LMX1B: variants seen among roughly 807,000 people sequenced by gnomAD.
LMX1B encodes the protein LIM homeobox transcription factor 1-beta.
In LMX1B, 12 loss-of-function variants were observed where a neutral mutation model predicts 51.4. That is an observed-to-expected ratio of 0.23 (90% confidence interval 0.15 to 0.38). The LOEUF is 0.38. Ranked by LOEUF, LMX1B falls within the 10% of genes least tolerant of loss-of-function variation. LMX1B has a pLI of 1.00. For synonymous variants in LMX1B, 237 were observed against 235.4 expected (o/e 1.01, Z -0.06); for missense variants, 445 against 571.1 (o/e 0.78, Z 2.25).
At chr9:126,630,258 G>A (rs1835609263) in intron 2 of LMX1B, among the ~76,000 whole-genome samples, 1 of 151,448 alleles carries the variant, frequency 6.6e-6, no homozygotes, top group African/African-American at 2.4e-5. Flanking sequence ...GGGCCACACA[G>A]CCAGTGGGGG....
At chr9:126,675,876 C>T (rs1303035766) in intron 2 of LMX1B, among the ~76,000 whole-genome samples, 1 of 151,118 alleles carries the variant, frequency 6.6e-6, no homozygotes, top group East Asian at 1.9e-4. Context: ...GGTGAAACCC[C>T]GTCTCTACTA....
chr9:126,667,267 G>A (rs192118359), intron 2 of LMX1B, among the ~76,000 whole-genome samples: 3 of 152,256 alleles, frequency 2.0e-5, no homozygotes, highest in African/African-American at 4.8e-5. Context: ...TTAGCAACAC[G>A]CTGAGAACAC....
intron 2 of LMX1B, among the ~76,000 whole-genome samples, chr9:126,647,620 T>C (rs1835927084): frequency 6.6e-6 from 1 of 152,160 alleles, no homozygotes; most frequent in Non-Finnish European, 1.5e-5. Flanking sequence ...GGTGCTGAAG[T>C]GTTGTGTGCT....
intron 2 of LMX1B, among the ~76,000 whole-genome samples, chr9:126,624,563 G>T (rs1835482423): frequency 6.6e-6 from 1 of 152,152 alleles, no homozygotes; most frequent in Non-Finnish European, 1.5e-5. Context: ...CAACCAGGCG[G>T]CCCGAAAGCC....
At chr9:126,622,775 C>G (rs1022959665) in intron 2 of LMX1B, among the ~76,000 whole-genome samples, 1 of 152,160 alleles carries the variant, frequency 6.6e-6, no homozygotes, top group Non-Finnish European at 1.5e-5. Context: ...ATGGAGGGGT[C>G]CTGGGTGGGG....
At position 126,614,552 on chromosome 9, in the gene LMX1B, C is replaced by T. The variant is rs768237865; in HGVS notation, c.103C>T (p.Leu35=). Residue 35 remains leucine (L), a synonymous_variant, in exon 1 of 8, where the codon CTG becomes TTG. Coordinates refer to ENST00000373474, the MANE Select transcript of LMX1B (RefSeq NM_001174147.2). Reference sequence around the variant, plus strand: ...CGGCATCAAGATGGAGGAGCACGCCCTGCGCCCCGGGCCCGCCACTCTGGG... The same window carrying T: ...CGGCATCAAGATGGAGGAGCACGCCTTGCGCCCCGGGCCCGCCACTCTGGG... The part of the protein sequence containing the change: ...LDGIKMEEHA[L]RPGPATLGVL... 2.6e-5 allele frequency: 41 copies of T among 1,587,934 alleles called. No individual in the cohort carries two copies. Among genetic ancestry groups the T allele is most frequent in the Non-Finnish European group, 3.1e-5 (36 of 1,168,342 alleles).
At chr9:126,678,323 A>AAC (rs1836608655) in intron 2 of LMX1B, among the ~76,000 whole-genome samples, 1 of 112,722 alleles carries the variant, frequency 8.9e-6, no homozygotes, top group Admixed American at 8.0e-5. Context: ...AAAAAAAAAC[A>AAC]AAAAACAAAA....
chr9:126,617,095 C>G (rs1835317408), intron 2 of LMX1B, among the ~76,000 whole-genome samples: 1 of 152,208 alleles, frequency 6.6e-6, no homozygotes, highest in African/African-American at 2.4e-5. Context: ...GAGGGAGACG[C>G]CAGTCCGTTC....
At position 126,615,711 on chromosome 9, in the gene LMX1B, G is replaced by A. The variant is rs1247067673; in HGVS notation, c.326+142G>A. ...CAGCTCCAAGGGTTCCGAGAGCTGC[G>A]CGTCTTGGGGCTGGGGCGGACCAGC... is the stretch of plus-strand genomic sequence containing the variant. On this transcript the variant is annotated intron_variant, in intron 2 of 7. Transcript: ENST00000373474. The surrounding 1 kb of genome is among the most constrained non-coding windows in gnomAD (Gnocchi z 6.0). 9 of 729,984 alleles carry A rather than the reference G, an allele frequency of 1.2e-5. No individual in the cohort carries two copies. The highest frequency in any genetic ancestry group is 1.7e-5 in the Non-Finnish European group (8 of 484,426). 45.2% of individuals were successfully genotyped at this position (729,984 alleles called of 1,614,324 possible).
At position 126,615,288 on chromosome 9, in the gene LMX1B, C is replaced by A. The variant is rs907854200; in HGVS notation, c.140-95C>A. On this transcript the variant is annotated intron_variant, in intron 1 of 7. Transcript: ENST00000373474. The surrounding 1 kb of genome is among the most constrained non-coding windows in gnomAD (Gnocchi z 6.0). The stretch of plus-strand genomic sequence containing the variant: ...AGGCGGTGATCCCGGGCGGCCCGAG[C>A]CCTCGGGGCCGAGGGCTGTGGGCCC... 24 of 940,920 alleles carry A rather than the reference C, an allele frequency of 2.6e-5. No homozygotes were observed. The highest frequency in any genetic ancestry group is 2.7e-6 in the Non-Finnish European group (2 of 729,190). The allele number at this position is 940,920 out of a possible 1,614,324, so 58.3% of individuals were successfully genotyped here.
At chr9:126,630,893 G>A (rs1016309276) in intron 2 of LMX1B, among the ~76,000 whole-genome samples, 1 of 152,230 alleles carries the variant, frequency 6.6e-6, no homozygotes, top group Non-Finnish European at 1.5e-5. Flanking sequence ...TCCTGGCTCC[G>A]GGCTGCCGGT....
At chr9:126,624,668 T>A (rs1380695995) in intron 2 of LMX1B, among the ~76,000 whole-genome samples, 1 of 840 alleles carries the variant, frequency 1.2e-3, no homozygotes, top group Non-Finnish European at 0.011. Context: ...TTTATCTTGT[T>A]TTTTTTTTTT....
chr9:126,638,391 C>T (rs1031894163), intron 2 of LMX1B, among the ~76,000 whole-genome samples: 1 of 151,942 alleles, frequency 6.6e-6, no homozygotes, highest in African/African-American at 2.4e-5. Context: ...CACCCTGCAG[C>T]CCAGGAGGCC....
intron 2 of LMX1B, among the ~76,000 whole-genome samples, chr9:126,683,894 T>C (rs765512182): frequency 6.6e-6 from 1 of 152,106 alleles, no homozygotes; most frequent in African/African-American, 2.4e-5. Flanking sequence ...CTTAGGTATG[T>C]GTTATGTCAC....
chr9:126,619,169 A>T (rs1313545240), intron 2 of LMX1B, among the ~76,000 whole-genome samples: 1 of 152,146 alleles, frequency 6.6e-6, no homozygotes, highest in Non-Finnish European at 1.5e-5. Context: ...GTGAGTTTTT[A>T]AAAAATTTCC....
At chr9:126,629,682 G>C (rs1402365408) in intron 2 of LMX1B, among the ~76,000 whole-genome samples, 2 of 152,176 alleles carry the variant, frequency 1.3e-5, no homozygotes, top group Admixed American at 6.5e-5. Flanking sequence ...AAGCTTTGAT[G>C]GGGATTCACT....
chr9:126,650,341 T>C (rs781022152), intron 2 of LMX1B, among the ~76,000 whole-genome samples: 7 of 152,154 alleles, frequency 4.6e-5, no homozygotes, highest in Non-Finnish European at 5.9e-5. Context: ...AGCAGAGGCC[T>C]CTGGGAAGCC....
At position 126,615,886 on chromosome 9, in the gene LMX1B, G is replaced by A. The variant is rs1216907234; in HGVS notation, c.326+317G>A. Among the ~76,000 whole-genome samples, 1 of 152,198 alleles carries A rather than the reference G, an allele frequency of 6.6e-6. No individual in the cohort carries two copies. The highest frequency in any genetic ancestry group is 2.4e-5 in the African/African-American group (1 of 41,458). Reference sequence around the variant, plus strand: ...TCTGGCGCTACGGAGGCCTGAATTGGGAACCCAAAATTGATTTCCAAAGGA... The same window carrying A: ...TCTGGCGCTACGGAGGCCTGAATTGAGAACCCAAAATTGATTTCCAAAGGA... On this transcript the variant is annotated intron_variant, in intron 2 of 7. Coordinates refer to ENST00000373474, the MANE Select transcript of LMX1B (RefSeq NM_001174147.2). This position sits in a 1 kb window ranked among gnomAD's most constrained non-coding sequence, Gnocchi z 6.0.
intron 2 of LMX1B, among the ~76,000 whole-genome samples, chr9:126,630,945 G>T (rs913321444): frequency 6.6e-6 from 1 of 152,256 alleles, no homozygotes; most frequent in East Asian, 1.9e-4. Flanking sequence ...TTGAAGGGAC[G>T]GCTGTCTGAG....
Sources: gnomAD v4.1 joint callset for allele counts (sites outside exome capture counted in the v4.1 genomes callset) on GRCh38, gnomAD v4.1.1 for gene constraint, Gnocchi (gnomAD v3.1) non-coding constraint, MANE v1.5 for transcripts, NCBI Gene and HGNC (gene_info 2026-07-23, HGNC 2026-07-21) for gene names.